KHDRBS2: variants seen among roughly 807,000 people sequenced by gnomAD.
The protein encoded by KHDRBS2 is KH RNA binding domain containing, signal transduction associated 2.
Under a neutral mutation model 44.3 loss-of-function variants are expected in KHDRBS2, and 26 were observed. The ratio of observed to expected loss-of-function variants is 0.59; its 90% CI spans 0.43 to 0.81. The LOEUF is 0.81. KHDRBS2 is among the 40% of genes least tolerant of loss of function. The pLI is 0.00. For synonymous variants in KHDRBS2, 194 were observed against 151.1 expected, an observed-to-expected ratio of 1.28 and a Z score of -2.08; for missense variants, 476 against 433.1, an observed-to-expected ratio of 1.10 and a Z score of -0.88.
At chr6:61,672,464 A>G in the KHDRBS2 span, among the ~76,000 whole-genome samples, 1 of 152,150 alleles carries the variant, frequency 6.6e-6, no homozygotes, top group Admixed American at 6.6e-5. Flanking sequence ...TCCCACCAAC[A>G]GTGTAAAAGT....
At chr6:62,004,889 A>G (rs1778936135) in intron 3 of KHDRBS2, among the ~76,000 whole-genome samples, 1 of 152,154 alleles carries the variant, frequency 6.6e-6, no homozygotes. Context: ...AATCCATCAC[A>G]TAAACAGAAC....
chr6:62,010,845 A>T (rs1584138790), intron 3 of KHDRBS2, among the ~76,000 whole-genome samples: 1 of 152,298 alleles, frequency 6.6e-6, no homozygotes, highest in East Asian at 1.9e-4. Flanking sequence ...ATTCCTATCC[A>T]AAATGTTTAC....
At chr6:62,235,070 CTT>C (rs10570985) in intron 1 of KHDRBS2, among the ~76,000 whole-genome samples, 28 of 106,904 alleles carry the variant, frequency 2.6e-4, no homozygotes, top group Non-Finnish European at 4.7e-4. Context: ...TCCATTTAGG[CTT>C]TTTTTTTTTT....
At chr6:62,118,463 C>A (rs1470428711) in intron 2 of KHDRBS2, among the ~76,000 whole-genome samples, 2 of 152,074 alleles carry the variant, frequency 1.3e-5, no homozygotes, top group Non-Finnish European at 2.9e-5. Context: ...TTAGGAATTT[C>A]ACCGAATCTG....
chr6:61,782,323 G>A (rs1322623184), intron 6 of KHDRBS2, among the ~76,000 whole-genome samples: 1 of 152,036 alleles, frequency 6.6e-6, no homozygotes, highest in Non-Finnish European at 1.5e-5. Flanking sequence ...ATGGGTTTAA[G>A]ATCAACCAAC....
At chr6:61,701,624 CA>C (rs1342505833) in intron 7 of KHDRBS2, among the ~76,000 whole-genome samples, 1 of 151,972 alleles carries the variant, frequency 6.6e-6, no homozygotes, top group African/African-American at 2.4e-5. Context: ...AAGACCCTTC[CA>C]GGGTATCTGG....
intron 6 of KHDRBS2, among the ~76,000 whole-genome samples, chr6:61,847,198 C>A (rs905731332): frequency 7.9e-5 from 12 of 152,066 alleles, no homozygotes; most frequent in Non-Finnish European, 1.3e-4. Flanking sequence ...AAATAAGAGA[C>A]TAAATTCTCA....
chr6:62,200,287 A>G (rs957480453), intron 1 of KHDRBS2, among the ~76,000 whole-genome samples: 6 of 152,236 alleles, frequency 3.9e-5, no homozygotes, highest in African/African-American at 1.4e-4. Context: ...CTACCATCAG[A>G]GTGAACAGGC....
chr6:61,724,734 G>T (rs1773264900), intron 7 of KHDRBS2, among the ~76,000 whole-genome samples: 1 of 152,092 alleles, frequency 6.6e-6, no homozygotes, highest in Non-Finnish European at 1.5e-5. Flanking sequence ...TAATGGTAAA[G>T]GGTTAAACTC....
intron 1 of KHDRBS2, among the ~76,000 whole-genome samples, chr6:62,196,779 G>C (rs1825797950): frequency 6.6e-6 from 1 of 152,028 alleles, no homozygotes; most frequent in Non-Finnish European, 1.5e-5. Context: ...AAGGACTTGG[G>C]GGATTTCAGG....
the KHDRBS2 span, among the ~76,000 whole-genome samples, chr6:61,607,806 G>A: frequency 0.15 from 22,302 of 152,016 alleles, 2,085 homozygotes; most frequent in South Asian, 0.26. Flanking sequence ...TCCTGCCTCA[G>A]CCTCCCTGGT....
At chr6:62,073,806 T>G (rs1187949220) in intron 2 of KHDRBS2, among the ~76,000 whole-genome samples, 1 of 151,710 alleles carries the variant, frequency 6.6e-6, no homozygotes, top group South Asian at 2.1e-4. Flanking sequence ...TAATAGCTCT[T>G]CACCAAGATC....
intron 1 of KHDRBS2, among the ~76,000 whole-genome samples, chr6:62,196,322 A>G (rs1054130198): frequency 3.3e-5 from 5 of 152,154 alleles, no homozygotes; most frequent in African/African-American, 1.2e-4. Context: ...ATTCATATTG[A>G]CTTTACATTC....
At chr6:61,700,754 G>T (rs1768526323) in intron 7 of KHDRBS2, among the ~76,000 whole-genome samples, 1 of 151,060 alleles carries the variant, frequency 6.6e-6, no homozygotes. Context: ...TTGGTAGAAG[G>T]CATTCAAAGT....
chr6:61,774,932 G>T (rs540017488), intron 6 of KHDRBS2, among the ~76,000 whole-genome samples: 168 of 152,108 alleles, frequency 1.1e-3, no homozygotes, highest in African/African-American at 3.9e-3. Flanking sequence ...ACATCAAAAG[G>T]CTCATCCACC....
intron 1 of KHDRBS2, among the ~76,000 whole-genome samples, chr6:62,178,895 T>C (rs370893478): frequency 1.3e-4 from 20 of 151,714 alleles, no homozygotes; most frequent in East Asian, 7.7e-4. Flanking sequence ...GAAAAGGTGA[T>C]GATAGTTATT....
At chr6:61,658,845 C>G in the KHDRBS2 span, among the ~76,000 whole-genome samples, 1 of 150,672 alleles carries the variant, frequency 6.6e-6, no homozygotes, top group Non-Finnish European at 1.5e-5. Flanking sequence ...TAACTTTGTT[C>G]TTTGCAGTAT....
At chr6:61,963,151 A>G (rs1239781474) in intron 4 of KHDRBS2, among the ~76,000 whole-genome samples, 1 of 152,128 alleles carries the variant, frequency 6.6e-6, no homozygotes, top group Non-Finnish European at 1.5e-5. Context: ...AAAGCAAATA[A>G]TATTCCAATA....
chr6:61,624,900 T>G, the KHDRBS2 span, among the ~76,000 whole-genome samples: 1 of 152,130 alleles, frequency 6.6e-6, no homozygotes, highest in East Asian at 1.9e-4. Flanking sequence ...GGGCAAACTC[T>G]TGCCAAGGAA....
Sources: gnomAD v4.1 joint callset for allele counts (sites outside exome capture counted in the v4.1 genomes callset) on GRCh38, gnomAD v4.1.1 for gene constraint, MANE v1.5 for transcripts, NCBI Gene and HGNC (gene_info 2026-07-23, HGNC 2026-07-21) for gene names.